The following SLAIN1 variants were observed in gnomAD, a reference collection of about 807,000 sequenced individuals.
SLAIN1 encodes the protein SLAIN family member 1.
Under a neutral mutation model 55.4 loss-of-function variants are expected in SLAIN1, and 17 were observed. The observed-to-expected ratio is 0.31, with a 90% CI of 0.21 to 0.46. The LOEUF is 0.46. Ranked by LOEUF, SLAIN1 falls within the 20% of genes least tolerant of loss-of-function variation. SLAIN1 has a pLI of 1.00. For missense variants in SLAIN1, 682 were observed against 785.1 expected (o/e 0.87, Z 1.57); for synonymous variants, 348 against 337.4 (o/e 1.03, Z -0.35).
chr13:77,713,340 AC>A (rs1566223277), intron 1 of SLAIN1, among the ~76,000 whole-genome samples: 2 of 152,154 alleles, frequency 1.3e-5, no homozygotes, highest in African/African-American at 4.8e-5. Flanking sequence ...GAAAAAAACA[AC>A]CCCATCAAAA....
intron 4 of SLAIN1, among the ~76,000 whole-genome samples, chr13:77,749,029 A>G (rs1874032789): frequency 6.6e-6 from 1 of 152,196 alleles, no homozygotes; most frequent in South Asian, 2.1e-4. Context: ...TTTTATTAAC[A>G]TATGATTCAG....
chr13:77,728,016 A>G (rs915333418), intron 2 of SLAIN1, among the ~76,000 whole-genome samples: 2 of 152,170 alleles, frequency 1.3e-5, no homozygotes, highest in African/African-American at 2.4e-5. Flanking sequence ...AAATACAGGT[A>G]TTTGTTAGGG....
chr13:77,713,231 G>A (rs1414650572), intron 1 of SLAIN1, among the ~76,000 whole-genome samples: 2 of 152,040 alleles, frequency 1.3e-5, no homozygotes, highest in Non-Finnish European at 2.9e-5. Context: ...AAACTAAAGA[G>A]CTTATGCAGC....
chr13:77,733,408 TG>T (rs1359218104), intron 2 of SLAIN1, among the ~76,000 whole-genome samples: 1 of 152,190 alleles, frequency 6.6e-6, no homozygotes, highest in Non-Finnish European at 1.5e-5. Context: ...TGAGTAAAAT[TG>T]GAAGTTTAAA....
chr13:77,747,950 C>T (rs1241376705), intron 4 of SLAIN1, among the ~76,000 whole-genome samples: 4 of 152,078 alleles, frequency 2.6e-5, no homozygotes, highest in Non-Finnish European at 5.9e-5. Context: ...AACCCTCACA[C>T]ATAAATTCTA....
At chr13:77,738,219 CAT>C (rs3039425) in intron 2 of SLAIN1, among the ~76,000 whole-genome samples, 2 of 40,464 alleles carry the variant, frequency 4.9e-5, no homozygotes, top group African/African-American at 1.6e-4. Context: ...CACATATACA[CAT>C]ACATATATAC....
At chr13:77,727,477 T>G (rs1236131268) in intron 2 of SLAIN1, among the ~76,000 whole-genome samples, 2 of 150,922 alleles carry the variant, frequency 1.3e-5, no homozygotes, top group Admixed American at 1.3e-4. Flanking sequence ...ACATTTGGTG[T>G]TGTAAATGGC....
At chr13:77,743,250 G>T (rs182408532) in intron 2 of SLAIN1, 86 of 1,110,746 alleles carry the variant, frequency 7.7e-5, no homozygotes, top group Admixed American at 1.4e-4. Flanking sequence ...CATTTGAAAA[G>T]CTTGAGAATA....
chr13:77,750,607 TG>T (rs1430336949), intron 4 of SLAIN1, among the ~76,000 whole-genome samples: 1 of 152,136 alleles, frequency 6.6e-6, no homozygotes, highest in Non-Finnish European at 1.5e-5. Flanking sequence ...TCTGTGAGGC[TG>T]GGAACTTTAA....
At chr13:77,715,152 C>T (rs974503246) in intron 1 of SLAIN1, among the ~76,000 whole-genome samples, 1 of 152,186 alleles carries the variant, frequency 6.6e-6, no homozygotes, top group African/African-American at 2.4e-5. Context: ...AGGCAGTTTG[C>T]ATTTTTTATA....
rs1422781731 is a variant in SLAIN1, at chr13:77,698,164, C to A, written c.251C>A (p.Pro84Gln). 1 of 1,165,388 alleles carries A rather than the reference C, an allele frequency of 8.6e-7. No individual in the cohort carries two copies. Among genetic ancestry groups the A allele is most frequent in the Non-Finnish European group, 1.1e-6 (1 of 944,974 alleles). 72.2% of individuals were successfully genotyped at this position (1,165,388 alleles called of 1,614,324 possible). ...GLQPLGPRSP[P>Q]AATATAAASG... ...CAGCCTTTGGGTCCTCGGAGCCCCC[C>A]GGCCGCCACGGCCACCGCCGCGGCC... Residue 84 changes from proline to glutamine, a missense_variant, in exon 1 of 7, where the codon CCG becomes CAG. Around this residue, in one of 3 missense-constraint regions of SLAIN1, gnomAD observed 401 missense variants for 417.3 expected, o/e 0.96. Transcript: ENST00000418532. The surrounding 1 kb of genome is among the most constrained non-coding windows in gnomAD (Gnocchi z 4.1).
chr13:77,722,724 A>G (rs1309277922), intron 2 of SLAIN1, among the ~76,000 whole-genome samples: 1 of 152,088 alleles, frequency 6.6e-6, no homozygotes. Flanking sequence ...CAAGCCATGC[A>G]ATATTTTATC....
At chr13:77,718,518 A>G (rs1445413288) in intron 1 of SLAIN1, among the ~76,000 whole-genome samples, 1 of 152,158 alleles carries the variant, frequency 6.6e-6, no homozygotes, top group African/African-American at 2.4e-5. Context: ...ACATTCCCCA[A>G]CCATCTTGTA....
intron 5 of SLAIN1, among the ~76,000 whole-genome samples, chr13:77,758,054 T>G (rs1020160345): frequency 2.0e-5 from 3 of 152,206 alleles, no homozygotes; most frequent in African/African-American, 7.2e-5. Flanking sequence ...CCACCAGCAG[T>G]GTAAAAGTGT....
intron 1 of SLAIN1, among the ~76,000 whole-genome samples, chr13:77,714,010 C>T (rs1208643959): frequency 6.6e-6 from 1 of 150,992 alleles, no homozygotes; most frequent in Non-Finnish European, 1.5e-5. Context: ...CATCACACAC[C>T]AGGGCCTGTC....
At position 77,698,976 on chromosome 13, in the gene SLAIN1, G is replaced by C; in HGVS notation, c.626+437G>C. ...CTGTTACTGTTCTTTCGTTTTAAAC[G>C]AACGCTGGACAGGATTTGCGTGCTC... On this transcript the variant is annotated intron_variant, in intron 1 of 6. Transcript: ENST00000418532. This position sits in a 1 kb window ranked among gnomAD's most constrained non-coding sequence, Gnocchi z 4.1. 6.5e-7 allele frequency: 1 copy of C among 1,534,516 alleles called. No individual in the cohort carries two copies. Among genetic ancestry groups the C allele is most frequent in the East Asian group, 2.4e-5 (1 of 40,910 alleles).
At chr13:77,699,812 T>G (rs1055634658) in intron 1 of SLAIN1, among the ~76,000 whole-genome samples, 1 of 152,180 alleles carries the variant, frequency 6.6e-6, no homozygotes, top group Non-Finnish European at 1.5e-5. Context: ...TCATCACTTT[T>G]GGGAACTTTA....
chr13:77,754,768 A>C (rs1450983950), intron 5 of SLAIN1, among the ~76,000 whole-genome samples: 1 of 152,144 alleles, frequency 6.6e-6, no homozygotes, highest in Non-Finnish European at 1.5e-5. Context: ...TTTACTATTA[A>C]TATGTTTGTC....
chr13:77,720,931 T>C (rs555211012), intron 2 of SLAIN1, among the ~76,000 whole-genome samples: 1 of 151,898 alleles, frequency 6.6e-6, no homozygotes, highest in African/African-American at 2.4e-5. Flanking sequence ...GACAAAGGCA[T>C]GTTAGGGTTA....
Sources: gnomAD v4.1 joint callset for allele counts (sites outside exome capture counted in the v4.1 genomes callset) on GRCh38, gnomAD v4.1.1 for gene constraint, gnomAD v4.1.1 regional missense constraint, Gnocchi (gnomAD v3.1) non-coding constraint, MANE v1.5 for transcripts, NCBI Gene and HGNC (gene_info 2026-07-23, HGNC 2026-07-21) for gene names.